MBTD1: variants seen among roughly 807,000 people sequenced by gnomAD.
MBTD1 encodes the protein MBT domain-containing protein 1.
MBTD1 carries 24 observed loss-of-function variants against 87.8 expected under a neutral mutation model. The observed-to-expected ratio is 0.27, with a 90% CI of 0.20 to 0.38. The LOEUF is 0.38. MBTD1 is among the 10% of genes least tolerant of loss of function. MBTD1 has a pLI of 1.00. For synonymous variants in MBTD1, 237 were observed against 248.6 expected, an observed-to-expected ratio of 0.95 and a Z score of 0.44; for missense variants, 436 against 760.2, an observed-to-expected ratio of 0.57 and a Z score of 5.02.
At chr17:51,206,860 C>T in intron 7 of MBTD1, 28 bp downstream of exon 7, 1 of 1,423,134 alleles carries the variant, frequency 7.0e-7, no homozygotes, top group South Asian at 1.2e-5. Context: ...TCTGCATTTT[C>T]TACTAAACTA....
intron 2 of MBTD1, among the ~76,000 whole-genome samples, chr17:51,229,120 A>G (rs1160956332): frequency 6.6e-6 from 1 of 152,194 alleles, no homozygotes; most frequent in Non-Finnish European, 1.5e-5. Context: ...GCCTGAGCCC[A>G]GGAGTTCAAG....
At chr17:51,240,948 C>G (rs1227693247) in intron 2 of MBTD1, among the ~76,000 whole-genome samples, 6 of 152,018 alleles carry the variant, frequency 3.9e-5, no homozygotes, top group Non-Finnish European at 8.8e-5. Context: ...TCCAGAGGCA[C>G]GAGGTCCATC....
chr17:51,260,230 C>G, upstream of MBTD1: 2 of 430,156 alleles, frequency 4.6e-6, no homozygotes, highest in Non-Finnish European at 8.3e-6. Context: ...CAAGTGGTTA[C>G]AGCCAAGAGG....
At chr17:51,260,839 G>A, upstream of MBTD1, 2 of 1,599,202 alleles carry the variant, frequency 1.3e-6, no homozygotes, top group East Asian at 4.5e-5. Flanking sequence ...AGGACAAACC[G>A]GCCGTGGAGC....
At chr17:51,185,675 AT>A in intron 16 of MBTD1, 1 of 152,190 alleles carries the variant, frequency 6.6e-6, no homozygotes, top group Non-Finnish European at 1.5e-5. Flanking sequence ...AATCAGACTT[AT>A]CCCTAATGAC....
chr17:51,260,942 G>A (rs1340073792), upstream of MBTD1: 6 of 1,525,732 alleles, frequency 3.9e-6, no homozygotes, highest in Non-Finnish European at 5.3e-6. Context: ...GGAGGCCGCG[G>A]CGCGCGGGCT....
intron 16 of MBTD1, among the ~76,000 whole-genome samples, chr17:51,182,062 TA>T (rs2050336033): frequency 6.6e-6 from 1 of 152,072 alleles, no homozygotes; most frequent in African/African-American, 2.4e-5. Flanking sequence ...TTCTTTAGCA[TA>T]CACGGATCTG....
intron 15 of MBTD1, 139 bp downstream of exon 15, chr17:51,192,643 G>T: frequency 6.9e-7 from 1 of 1,454,188 alleles, no homozygotes; most frequent in Non-Finnish European, 9.2e-7. Context: ...TTGTTGTTGA[G>T]TCTTAATGTC....
At chr17:51,237,295 CAAAAAAAAAA>C (rs368805446) in intron 2 of MBTD1, among the ~76,000 whole-genome samples, 4 of 60,464 alleles carry the variant, frequency 6.6e-5, no homozygotes, top group South Asian at 1.3e-3. Context: ...GACTCCATCT[CAAAAAAAAAA>C]AAAAAAAAAA....
chr17:51,255,928 T>C (rs1212580636), intron 2 of MBTD1, among the ~76,000 whole-genome samples: 2 of 152,162 alleles, frequency 1.3e-5, no homozygotes, highest in African/African-American at 4.8e-5. Context: ...GAACGATATA[T>C]ACAAATCACT....
chr17:51,199,915 C>G (rs1221462493), intron 12 of MBTD1, among the ~76,000 whole-genome samples: 1 of 151,942 alleles, frequency 6.6e-6, no homozygotes, highest in Non-Finnish European at 1.5e-5. Flanking sequence ...ACCTCCACCT[C>G]CCGGGTTCAA....
intron 15 of MBTD1, 55 bp downstream of exon 15, chr17:51,192,727 C>T (rs1315636974): frequency 1.2e-6 from 2 of 1,601,280 alleles, no homozygotes; most frequent in Admixed American, 3.4e-5. Flanking sequence ...TGAGATAGTC[C>T]TCTGGAGAAT....
At position 51,179,500 on chromosome 17, in the gene MBTD1, A is replaced by ATATT. The variant is rs2050215205; in HGVS notation, c.*1075_*1076insAATA. The ATATT allele has an allele frequency of 7.3e-4, 43 of 58,522 alleles. No homozygotes were observed. Among genetic ancestry groups the ATATT allele is most frequent in the Non-Finnish European group, 1.3e-3 (38 of 30,210 alleles). 3.6% of individuals were successfully genotyped at this position (58,522 alleles called of 1,614,324 possible). ...AAGACAATTTTATATATATATATATATATATATATATATATATATATATAT... is the reference window on the plus strand; with the variant it reads ...AAGACAATTTTATATATATATATATATATTTATATATATATATATATATATATAT... On this transcript the variant is annotated 3_prime_UTR_variant, in exon 17 of 17. Coordinates refer to ENST00000586178, the MANE Select transcript of MBTD1 (RefSeq NM_017643.3).
Position 51,186,722 on chromosome 17 carries a change from C to T in MBTD1, c.1768+5481G>A, listed in dbSNP as rs925532509. Among the ~76,000 whole-genome samples the T allele has an allele frequency of 3.4e-5, 5 of 145,988 alleles. No homozygotes were observed. In the Admixed American group the frequency reaches 3.5e-4, roughly 10 times the overall value. On this transcript the variant is annotated intron_variant, in intron 16 of 16. Transcript: ENST00000586178. ...CTGGGAGGCGGAGCTTGCAGTGAGCCGAGATCGTGCCACTGCACTCCAACC... is the reference window on the plus strand; with the variant it reads ...CTGGGAGGCGGAGCTTGCAGTGAGCTGAGATCGTGCCACTGCACTCCAACC...
intron 7 of MBTD1, among the ~76,000 whole-genome samples, chr17:51,205,057 A>G (rs1015717245): frequency 6.6e-6 from 1 of 152,230 alleles, no homozygotes; most frequent in African/African-American, 2.4e-5. Context: ...CCTATTTATA[A>G]TTCTATAAAC....
At chr17:51,260,310 C>A, upstream of MBTD1, 1 of 533,084 alleles carries the variant, frequency 1.9e-6, no homozygotes, top group Non-Finnish European at 3.3e-6. Context: ...CAATATGTTG[C>A]AGCTGCGAAA....
chr17:51,242,221 C>CAT (rs747228752), intron 2 of MBTD1, among the ~76,000 whole-genome samples: 2 of 152,162 alleles, frequency 1.3e-5, no homozygotes, highest in Non-Finnish European at 2.9e-5. Context: ...ATGTATGTGA[C>CAT]ATATATATAC....
chr17:51,226,136 G>C (rs1243787817), intron 2 of MBTD1, among the ~76,000 whole-genome samples: 2 of 149,728 alleles, frequency 1.3e-5, no homozygotes, highest in African/African-American at 4.9e-5. Context: ...AGGAGTTTGA[G>C]ACCAGCCTGG....
Position 51,235,832 on chromosome 17 carries a change from G to T in MBTD1, c.-48-10623C>A, listed in dbSNP as rs909136619. On this transcript the variant is annotated intron_variant, in intron 2 of 16. Transcript: ENST00000586178. ...CTAAAATTCATATGGAACTGCAAAGGCTCTAGAATAGCCAAAGCAAATTTC... is the reference window on the plus strand; with the variant it reads ...CTAAAATTCATATGGAACTGCAAAGTCTCTAGAATAGCCAAAGCAAATTTC... Among the ~76,000 whole-genome samples, 2 of 152,092 alleles carry T rather than the reference G, an allele frequency of 1.3e-5. 1 individual carries two copies. The highest frequency in any genetic ancestry group is 3.8e-4 in the East Asian group (2 of 5,196).
Sources: gnomAD v4.1 joint callset for allele counts (sites outside exome capture counted in the v4.1 genomes callset) on GRCh38, gnomAD v4.1.1 for gene constraint, MANE v1.5 for transcripts, NCBI Gene and HGNC (gene_info 2026-07-23, HGNC 2026-07-21) for gene names.